Variants in ARL13B observed in about 807,000 individuals in gnomAD.
ARL13B encodes the protein ADP-ribosylation factor-like protein 13B.
In ARL13B, 36 loss-of-function variants were observed where a neutral mutation model predicts 56.1. The ratio of observed to expected loss-of-function variants is 0.64; its 90% CI spans 0.49 to 0.85. The LOEUF (loss-of-function observed/expected upper bound fraction) is 0.85. Ranked by LOEUF, ARL13B falls within the 40% of genes least tolerant of loss-of-function variation. The probability of loss-of-function intolerance (pLI) is 0.00; values close to 1 mark genes in which losing one functional copy is unlikely to be tolerated. For synonymous variants in ARL13B, 178 were observed against 171.1 expected, an observed-to-expected ratio of 1.04 and a Z score of -0.32; for missense variants, 519 against 507.1, an observed-to-expected ratio of 1.02 and a Z score of -0.23.
intron 3 of ARL13B, among the ~76,000 whole-genome samples, chr3:94,013,355 ACT>A (rs1435758672): frequency 1.1e-4 from 16 of 152,086 alleles, no homozygotes; most frequent in Middle Eastern, 3.4e-3. Flanking sequence ...GAGTTGCAAA[ACT>A]CTATTCCCGT....
chr3:93,995,550 A>G (rs972658032), intron 1 of ARL13B, among the ~76,000 whole-genome samples: 3 of 152,184 alleles, frequency 2.0e-5, no homozygotes, highest in Non-Finnish European at 4.4e-5. Flanking sequence ...GTCTTTAGCC[A>G]TGATAGAGAA....
chr3:93,981,865 CAAAAAAAAAAAA>C (rs11396818), intron 1 of ARL13B, among the ~76,000 whole-genome samples: 3 of 68,390 alleles, frequency 4.4e-5, no homozygotes, highest in South Asian at 6.8e-4. Flanking sequence ...AACCCTGTCT[CAAAAAAAAAAAA>C]AAAAAAAAAA....
Position 93,989,457 on chromosome 3 carries a change from C to T in ARL13B, c.60-6417C>T. On this transcript the variant is annotated intron_variant, in intron 1 of 9. Transcript: ENST00000394222. ...AGGAGTACTCGGCATGGAAGGAATC[C>T]TCGGCATGGCAGGCTTCCTGGGAGT... Among the ~76,000 whole-genome samples, 2 of 152,022 alleles carry T rather than the reference C, an allele frequency of 1.3e-5. 1 individual carries two copies. Among genetic ancestry groups the T allele is most frequent in the East Asian group, 3.9e-4 (2 of 5,176 alleles).
At chr3:94,041,192 T>G (rs2107142878) in intron 6 of ARL13B, among the ~76,000 whole-genome samples, 1 of 152,108 alleles carries the variant, frequency 6.6e-6, no homozygotes, top group East Asian at 1.9e-4. Context: ...CTGCAGATAA[T>G]TAAAATGGTG....
intron 2 of ARL13B, among the ~76,000 whole-genome samples, chr3:93,997,978 C>T (rs886880595): frequency 1.3e-4 from 20 of 151,574 alleles, no homozygotes; most frequent in African/African-American, 4.8e-4. Context: ...AGTGAGACTC[C>T]GTCTCAAAAA....
intron 3 of ARL13B, among the ~76,000 whole-genome samples, chr3:94,017,465 T>C (rs2107502103): frequency 6.6e-6 from 1 of 152,324 alleles, no homozygotes; most frequent in East Asian, 1.9e-4. Flanking sequence ...GGCAGGCATG[T>C]TACAGAAATG....
chr3:94,007,101 T>C (rs923023497), intron 3 of ARL13B, among the ~76,000 whole-genome samples: 3 of 152,092 alleles, frequency 2.0e-5, no homozygotes, highest in African/African-American at 7.2e-5. Flanking sequence ...CCTAAACTAG[T>C]TGAGGTAACG....
chr3:94,031,693 A>G (rs2076679626), intron 3 of ARL13B, among the ~76,000 whole-genome samples: 1 of 152,236 alleles, frequency 6.6e-6, no homozygotes, highest in African/African-American at 2.4e-5. Context: ...GAATAGCCAA[A>G]GCAGTCCTAA....
At chr3:94,008,715 A>G (rs2076173339) in intron 3 of ARL13B, among the ~76,000 whole-genome samples, 2 of 152,140 alleles carry the variant, frequency 1.3e-5, no homozygotes, top group Admixed American at 6.5e-5. Context: ...CCTTCTTTTT[A>G]TAGTTGAATC....
At chr3:93,997,005 A>G (rs950175474) in intron 2 of ARL13B, among the ~76,000 whole-genome samples, 13 of 151,976 alleles carry the variant, frequency 8.6e-5, no homozygotes, top group African/African-American at 3.1e-4. Context: ...TGCACATGCA[A>G]GAGATCTAGG....
intron 3 of ARL13B, chr3:94,015,401 G>C (rs2076310401): frequency 1.5e-6 from 1 of 662,428 alleles, no homozygotes; most frequent in East Asian, 2.9e-5. Context: ...TCTCAAATGA[G>C]GTTAAAAAGT....
At chr3:94,026,026 T>C (rs2076549396) in intron 3 of ARL13B, among the ~76,000 whole-genome samples, 1 of 151,394 alleles carries the variant, frequency 6.6e-6, no homozygotes, top group Non-Finnish European at 1.5e-5. Context: ...CTTCTCTTTT[T>C]TTTTTTTTTT....
intron 3 of ARL13B, among the ~76,000 whole-genome samples, chr3:94,030,748 G>T (rs545427481): frequency 6.6e-6 from 1 of 152,226 alleles, no homozygotes; most frequent in Admixed American, 6.5e-5. Context: ...ACAAAGATAT[G>T]TTAACCTGCA....
At chr3:94,014,296 G>A in intron 3 of ARL13B, 1 of 1,114,016 alleles carries the variant, frequency 9.0e-7, no homozygotes, top group Non-Finnish European at 1.2e-6. Flanking sequence ...TATGTGAGTG[G>A]ATCCATGAGA....
intron 9 of ARL13B, 55 bp from the exon 10 acceptor site, chr3:94,053,132 A>G (rs2077092322): frequency 4.9e-6 from 7 of 1,435,402 alleles, no homozygotes; most frequent in Non-Finnish European, 6.8e-6. Flanking sequence ...AACTGTGTCA[A>G]AAATCTTGAT....
Position 94,014,947 on chromosome 3 carries a change from C to A in ARL13B, c.380+11039C>A, listed in dbSNP as rs556745116. ...AACTTCTTTAACTAAATCATTCAAA[C>A]TTCTGTTGATGTATTCTGCCTGAAT... On this transcript the variant is annotated intron_variant, in intron 3 of 9. Transcript: ENST00000394222. 2.9e-5 allele frequency: 46 copies of A among 1,613,918 alleles called. No individual in the cohort carries two copies. The South Asian group carries it at 5.1e-4, about 18-fold the overall frequency.
intron 3 of ARL13B, among the ~76,000 whole-genome samples, chr3:94,027,165 A>C (rs972363255): frequency 1.3e-5 from 2 of 152,096 alleles, no homozygotes; most frequent in Non-Finnish European, 2.9e-5. Context: ...AGAAAACAGA[A>C]TATTCTGTTG....
Position 94,054,793 on chromosome 3 carries a change from T to C in ARL13B, c.*1530T>C. ...ACCACACTGAGTGAGGTAAAAGCATTTGATTTCAGATCTAAAATTCGTAAC... is the reference window on the plus strand; with the variant it reads ...ACCACACTGAGTGAGGTAAAAGCATCTGATTTCAGATCTAAAATTCGTAAC... On this transcript the variant is annotated 3_prime_UTR_variant, in exon 10 of 10. Transcript: ENST00000394222. 2.6e-6 allele frequency: 1 copy of C among 391,314 alleles called. No homozygotes were observed. The highest frequency in any genetic ancestry group is 2.9e-5 in the Admixed American group (1 of 34,342). The allele number at this position is 391,314 out of a possible 1,614,324, so 24.2% of individuals were successfully genotyped here. A position where few individuals can be genotyped will look rare whatever the true frequency, so the allele number is the denominator to read the frequency against.
At chr3:94,040,912 G>A (rs2076850283) in intron 6 of ARL13B, among the ~76,000 whole-genome samples, 1 of 152,004 alleles carries the variant, frequency 6.6e-6, no homozygotes, top group Non-Finnish European at 1.5e-5. Flanking sequence ...TCCCAGCACC[G>A]TATTTCCCAC....
Sources: gnomAD v4.1 joint callset for allele counts (sites outside exome capture counted in the v4.1 genomes callset) on GRCh38, gnomAD v4.1.1 for gene constraint, MANE v1.5 for transcripts, NCBI Gene and HGNC (gene_info 2026-07-23, HGNC 2026-07-21) for gene names.